The following RAF1 variants were observed in gnomAD, a reference collection of about 807,000 sequenced individuals.
The protein encoded by RAF1 is RAF proto-oncogene serine/threonine-protein kinase.
A neutral mutation model predicts 81.1 loss-of-function variants in RAF1; 27 were observed. The ratio of observed to expected loss-of-function variants is 0.33; its 90% CI spans 0.25 to 0.46. RAF1 has a LOEUF of 0.46. Among genes scored for constraint, RAF1 ranks in the 20% least tolerant of loss-of-function variants. The pLI is 1.00. For missense variants in RAF1, 598 were observed against 826.0 expected (o/e 0.72, Z 3.38); for synonymous variants, 298 against 294.0 (o/e 1.01, Z -0.14).
chr3:12,596,976 G>C (rs1280962520), intron 11 of RAF1, among the ~76,000 whole-genome samples: 1 of 151,332 alleles, frequency 6.6e-6, no homozygotes, highest in Non-Finnish European at 1.5e-5. Context: ...TCGGCTCACT[G>C]TAAGCTCTGC....
chr3:12,586,811 T>TTA (rs1454816623), intron 14 of RAF1: 4 of 152,240 alleles, frequency 2.6e-5, no homozygotes, highest in Non-Finnish European at 5.9e-5. Flanking sequence ...AAGAACCCAC[T>TTA]TATGTACCTT....
At chr3:12,618,966 C>A (rs1010483957) in intron 1 of RAF1, among the ~76,000 whole-genome samples, 1 of 152,170 alleles carries the variant, frequency 6.6e-6, no homozygotes, top group African/African-American at 2.4e-5. Flanking sequence ...CAAGCAACTG[C>A]GGGGCACGGT....
intron 1 of RAF1, among the ~76,000 whole-genome samples, chr3:12,655,557 G>A (rs2060665560): frequency 6.6e-6 from 1 of 152,158 alleles, no homozygotes; most frequent in Non-Finnish European, 1.5e-5. Context: ...ATATGATCCA[G>A]TAATTCTACT....
At chr3:12,655,247 G>A (rs138823765) in intron 1 of RAF1, among the ~76,000 whole-genome samples, 2,182 of 151,970 alleles carry the variant, frequency 0.014, 34 homozygotes, top group Admixed American at 0.045. Flanking sequence ...CAAGCCCAGC[G>A]AATTTTTTTT....
intron 1 of RAF1, among the ~76,000 whole-genome samples, chr3:12,652,399 T>C (rs1359859108): frequency 6.6e-6 from 1 of 151,336 alleles, no homozygotes; most frequent in African/African-American, 2.4e-5. Flanking sequence ...CCGGTGCCTG[T>C]AATCCCAGCT....
intron 1 of RAF1, among the ~76,000 whole-genome samples, chr3:12,619,452 T>C (rs11924289): frequency 0.14 from 21,334 of 151,370 alleles, 1,751 homozygotes; most frequent in African/African-American, 0.22. Context: ...TCATCCCAGC[T>C]ACTAGGGAGG....
rs2125396099 is a variant in RAF1 at position 12,604,052 on chromosome 3, G to A, written c.834+84C>T. 6 of 1,514,934 alleles carry A rather than the reference G, an allele frequency of 4.0e-6. No individual in the cohort carries two copies. In the South Asian group the frequency reaches 6.8e-5, roughly 17 times the overall value. The allele number at this position is 1,514,934 out of a possible 1,614,324, so 93.8% of individuals were successfully genotyped here. ...AAAGTGTTGCAACATTCCTTGATCA[G>A]ATTTGAAACCCAAAACTCTGAAATA... On this transcript the variant is annotated intron_variant, in intron 7 of 17. Coordinates refer to ENST00000442415, the MANE Select transcript of RAF1 (RefSeq NM_001354689.3).
At chr3:12,601,228 G>A (rs2058852405) in intron 8 of RAF1, among the ~76,000 whole-genome samples, 1 of 152,214 alleles carries the variant, frequency 6.6e-6, no homozygotes. Flanking sequence ...CATCTGAACA[G>A]GTAGAGAGAC....
chr3:12,607,949 C>CCAAA (rs1491212725), intron 5 of RAF1, among the ~76,000 whole-genome samples: 2 of 66,860 alleles, frequency 3.0e-5, no homozygotes, highest in Non-Finnish European at 5.3e-5. Flanking sequence ...GACTTGTCTC[C>CCAAA]AAAAAAAAAA....
chr3:12,645,125 G>C (rs1200469877), intron 1 of RAF1, among the ~76,000 whole-genome samples: 2 of 148,002 alleles, frequency 1.4e-5, no homozygotes, highest in African/African-American at 5.1e-5. Context: ...AAAAAAATAA[G>C]GTGGCAGGAC....
chr3:12,595,087 A>G (rs1443445203), intron 11 of RAF1, among the ~76,000 whole-genome samples: 1 of 151,864 alleles, frequency 6.6e-6, no homozygotes, highest in Non-Finnish European at 1.5e-5. Context: ...CCCTCGCCCC[A>G]CTCTGGCTCT....
chr3:12,644,270 T>C (rs965391202), intron 1 of RAF1, among the ~76,000 whole-genome samples: 1 of 152,190 alleles, frequency 6.6e-6, no homozygotes, highest in African/African-American at 2.4e-5. Flanking sequence ...TTAAGGTACA[T>C]CTGTCACATT....
chr3:12,622,632 T>A (rs529748284), intron 1 of RAF1, among the ~76,000 whole-genome samples: 2 of 152,330 alleles, frequency 1.3e-5, no homozygotes, highest in South Asian at 4.1e-4. Flanking sequence ...TTCTGCATGG[T>A]ACTTATGTTA....
chr3:12,657,461 A>G (rs145838006), intron 1 of RAF1, among the ~76,000 whole-genome samples: 3 of 152,326 alleles, frequency 2.0e-5, no homozygotes, highest in African/African-American at 4.8e-5. Context: ...AGAAAATAAT[A>G]TTTAATTCTT....
At chr3:12,647,812 A>G (rs950768416) in intron 1 of RAF1, among the ~76,000 whole-genome samples, 2 of 152,230 alleles carry the variant, frequency 1.3e-5, no homozygotes, top group African/African-American at 2.4e-5. Context: ...TTCTGACCAC[A>G]AACTGGTAAC....
At chr3:12,606,971 G>A (rs369021875) in intron 5 of RAF1, among the ~76,000 whole-genome samples, 5 of 152,132 alleles carry the variant, frequency 3.3e-5, no homozygotes, top group African/African-American at 1.2e-4. Context: ...GATTACAGGC[G>A]TGAGCCACCG....
rs148706665 is a variant in RAF1, at chr3:12,650,107, T to A, written c.-27+13706A>T. 2.8e-3 allele frequency among the ~76,000 whole-genome samples: 377 copies of A among 136,418 alleles called. 2 individuals are homozygous for A. The highest frequency in any genetic ancestry group is 9.6e-3 in the African/African-American group (348 of 36,156). 89.5% of individuals were successfully genotyped at this position (136,418 alleles called of 152,430 possible). On this transcript the variant is annotated intron_variant, in intron 1 of 17. Coordinates refer to ENST00000442415, the MANE Select transcript of RAF1 (RefSeq NM_001354689.3). The stretch of plus-strand genomic sequence containing the variant: ...GTCGCATTGAGCCAAGATCACGCCA[T>A]TGCACTCCAGCCCGGGAGACAGTGC...
intron 13 of RAF1, chr3:12,589,468 G>A (rs1039179185): frequency 6.6e-6 from 1 of 152,154 alleles, no homozygotes; most frequent in African/African-American, 2.4e-5. Flanking sequence ...AGATGTCTAG[G>A]GGTACGAGGA....
chr3:12,663,076 T>C (rs1379306736), intron 1 of RAF1, among the ~76,000 whole-genome samples: 4 of 151,996 alleles, frequency 2.6e-5, no homozygotes, highest in African/African-American at 9.7e-5. Context: ...ACGAGAACAA[T>C]GAATGAACAC....
Sources: allele counts gnomAD v4.1 joint callset (sites outside exome capture counted in the v4.1 genomes callset), GRCh38; gene constraint gnomAD v4.1.1; transcripts MANE v1.5; gene names NCBI Gene and HGNC (gene_info 2026-07-23, HGNC 2026-07-21).